Variants in EXOC4 observed in about 807,000 individuals in gnomAD.
EXOC4 encodes the protein exocyst complex component 4.
Under a neutral mutation model 107.2 loss-of-function variants are expected in EXOC4, and 71 were observed. The observed-to-expected ratio is 0.66, with a 90% confidence interval of 0.55 to 0.81. EXOC4 has a LOEUF of 0.81. Among genes scored for constraint, EXOC4 ranks in the 30% least tolerant of loss-of-function variants. The pLI is 0.00. For missense variants in EXOC4, 1,108 were observed against 1,189.6 expected (o/e 0.93, Z 1.01); for synonymous variants, 456 against 441.2 (o/e 1.03, Z -0.42).
At chr7:133,442,297 C>T (rs996410855) in intron 7 of EXOC4, among the ~76,000 whole-genome samples, 6 of 151,950 alleles carry the variant, frequency 3.9e-5, no homozygotes, top group Admixed American at 3.9e-4. Flanking sequence ...AGAATAAGGA[C>T]AATGAGAATA....
At chr7:133,604,984 C>G (rs1801904856) in intron 9 of EXOC4, among the ~76,000 whole-genome samples, 3 of 151,978 alleles carry the variant, frequency 2.0e-5, no homozygotes, top group Admixed American at 2.0e-4. Context: ...CTCGGCCTCC[C>G]AAAGTGCTGG....
intron 14 of EXOC4, among the ~76,000 whole-genome samples, chr7:133,950,075 A>T (rs978985476): frequency 6.6e-6 from 1 of 152,166 alleles, no homozygotes; most frequent in African/African-American, 2.4e-5. Flanking sequence ...ATTCTGCTAA[A>T]ACACACAGTG....
chr7:133,378,322 A>AG (rs1306637472), intron 7 of EXOC4, among the ~76,000 whole-genome samples: 5 of 151,368 alleles, frequency 3.3e-5, no homozygotes, highest in Admixed American at 2.6e-4. Flanking sequence ...AAAAAAAAAA[A>AG]AAAGAGTTTT....
At chr7:133,369,220 A>G (rs1584858659) in intron 6 of EXOC4, among the ~76,000 whole-genome samples, 1 of 152,312 alleles carries the variant, frequency 6.6e-6, no homozygotes, top group Middle Eastern at 3.4e-3. Flanking sequence ...GCAGATTTAC[A>G]TCCTGTTTAT....
Position 133,753,805 on chromosome 7 carries a change from C to T in EXOC4, c.1515-63520C>T, listed in dbSNP as rs74610820. ...AGGGTGGGGCGAGGCTGGAGCCTAACGGCCTGTTTTACAGAGGACTCAGAA... is the reference window on the plus strand; with the variant it reads ...AGGGTGGGGCGAGGCTGGAGCCTAATGGCCTGTTTTACAGAGGACTCAGAA... On this transcript the variant is annotated intron_variant, in intron 10 of 17. Transcript: ENST00000253861. 6.2e-3 allele frequency among the ~76,000 whole-genome samples: 936 copies of T among 152,194 alleles called. 5 individuals carry two copies. Among genetic ancestry groups the T allele is most frequent in the Middle Eastern group, 0.024 (7 of 294 alleles).
At chr7:133,820,512 A>G (rs967459456) in intron 11 of EXOC4, among the ~76,000 whole-genome samples, 1 of 152,238 alleles carries the variant, frequency 6.6e-6, no homozygotes, top group East Asian at 1.9e-4. Flanking sequence ...TGAAAAAAGA[A>G]TAAGAAATAA....
rs764420077 is a variant in EXOC4 at position 133,672,389 on chromosome 7, T to TA, written c.1514+42267dup. ...CTGGGCGACAGAGTGAGACTCCGTT[T>TA]AAAAAAAAAAAAAAAAAAAGTACCT... On this transcript the variant is annotated intron_variant, in intron 10 of 17. Coordinates refer to ENST00000253861, the MANE Select transcript of EXOC4 (RefSeq NM_021807.4). 5.8e-3 allele frequency among the ~76,000 whole-genome samples: 749 copies of TA among 130,112 alleles called. 4 individuals are homozygous for TA. Among genetic ancestry groups the TA allele is most frequent in the African/African-American group, 0.011 (376 of 35,550 alleles). The allele number at this position is 130,112 out of a possible 152,430, so 85.4% of individuals were successfully genotyped here.
intron 14 of EXOC4, among the ~76,000 whole-genome samples, chr7:133,963,594 C>G (rs2971977): frequency 0.7 from 106,210 of 152,060 alleles, 37,505 homozygotes; most frequent in East Asian, 0.91. Flanking sequence ...TTGGGGGAAA[C>G]ACTGGTTTTA....
At position 133,926,594 on chromosome 7, in the gene EXOC4, A is replaced by G. The variant is rs1286115775; in HGVS notation, c.2027+8856A>G. Among the ~76,000 whole-genome samples, 3 of 152,148 alleles carry G rather than the reference A, an allele frequency of 2.0e-5. No homozygotes were observed. The East Asian group carries it at 5.8e-4, about 29-fold the overall frequency. On this transcript the variant is annotated intron_variant, in intron 13 of 17. Transcript: ENST00000253861. The stretch of plus-strand genomic sequence containing the variant: ...ATCTATTGAATATAGGTGCTTTAAA[A>G]CTGCTTGTCTTATTTTCCTCTGATT...
intron 17 of EXOC4, among the ~76,000 whole-genome samples, chr7:134,027,358 C>T (rs551297782): frequency 2.0e-5 from 3 of 152,176 alleles, no homozygotes; most frequent in South Asian, 4.2e-4. Context: ...AGGAAAAAAG[C>T]AGCAAAAACT....
chr7:133,703,574 T>C (rs1794709487), intron 10 of EXOC4, among the ~76,000 whole-genome samples: 1 of 152,200 alleles, frequency 6.6e-6, no homozygotes, highest in South Asian at 2.1e-4. Context: ...AGAAGAGATA[T>C]CCCTGGTGAT....
chr7:133,756,865 T>G (rs1423188842), intron 10 of EXOC4, among the ~76,000 whole-genome samples: 1 of 152,222 alleles, frequency 6.6e-6, no homozygotes, highest in Non-Finnish European at 1.5e-5. Context: ...TCAATATATC[T>G]GGATCTGATC....
In EXOC4 at chr7:134,049,195, CCACTTAAGGAG is replaced by C. The variant is rs1304578971; in HGVS notation, c.2688-15095_2688-15085del. ...TTTTTGTTCTGAGATTATTTTCTTT[CCACTTAAGGAG>C]TGTTAAAATACCTTCTTTTATCAAA... On this transcript the variant is annotated intron_variant, in intron 17 of 17. Transcript: ENST00000253861. 3.9e-5 allele frequency among the ~76,000 whole-genome samples: 6 copies of C among 152,292 alleles called. 1 individual carries two copies. Among genetic ancestry groups the C allele is most frequent in the African/African-American group, 1.4e-4 (6 of 41,550 alleles).
chr7:133,956,542 C>T (rs1192318223), intron 14 of EXOC4, among the ~76,000 whole-genome samples: 2 of 152,208 alleles, frequency 1.3e-5, no homozygotes, highest in African/African-American at 4.8e-5. Context: ...AGCCAGAGCT[C>T]CTCAAGTAGC....
Position 133,871,664 on chromosome 7 carries a change from C to A in EXOC4, c.1735-23935C>A, listed in dbSNP as rs988197985. Among the ~76,000 whole-genome samples, 3 of 152,152 alleles carry A rather than the reference C, an allele frequency of 2.0e-5. No homozygotes were observed. In the East Asian group the frequency reaches 5.8e-4, roughly 29 times the overall value. ...CTGTTTCCACTTCCCATCCTCTTCT[C>A]CTTCCTCCTGCTTCACATTCTTCCT... On this transcript the variant is annotated intron_variant, in intron 11 of 17. Coordinates refer to ENST00000253861, the MANE Select transcript of EXOC4 (RefSeq NM_021807.4).
chr7:133,803,304 C>G (rs1008181075), intron 10 of EXOC4, among the ~76,000 whole-genome samples: 4 of 152,114 alleles, frequency 2.6e-5, no homozygotes, highest in African/African-American at 9.7e-5. Flanking sequence ...ACTTTGAAAA[C>G]AGGAAACATT....
intron 7 of EXOC4, among the ~76,000 whole-genome samples, chr7:133,403,033 C>T (rs1044748269): frequency 6.6e-6 from 1 of 151,870 alleles, no homozygotes; most frequent in African/African-American, 2.4e-5. Context: ...TACAGGCACG[C>T]ACCACCATGC....
At chr7:134,068,401 C>T (rs913685412), downstream of EXOC4, among the ~76,000 whole-genome samples, 2 of 152,136 alleles carry the variant, frequency 1.3e-5, no homozygotes, top group African/African-American at 4.8e-5. Context: ...TTATAAAGGG[C>T]AGTTCTCCCA....
intron 10 of EXOC4, among the ~76,000 whole-genome samples, chr7:133,652,438 A>T (rs1029687391): frequency 2.7e-5 from 4 of 145,940 alleles, no homozygotes; most frequent in East Asian, 2.0e-4. Flanking sequence ...ACACAGCAAT[A>T]TTTTTTTTTT....
Sources: allele counts gnomAD v4.1 joint callset (sites outside exome capture counted in the v4.1 genomes callset), GRCh38; gene constraint gnomAD v4.1.1; transcripts MANE v1.5; gene names NCBI Gene and HGNC (gene_info 2026-07-23, HGNC 2026-07-21).